The following CSMD1 variants were observed in gnomAD, a reference collection of about 807,000 sequenced individuals.
The protein encoded by CSMD1 is CUB and Sushi multiple domains 1.
In CSMD1, 213 loss-of-function variants were observed where a neutral mutation model predicts 417.5. The observed-to-expected ratio is 0.51, with a 90% CI of 0.46 to 0.57. The LOEUF (loss-of-function observed/expected upper bound fraction) is 0.57, where lower values mean the gene tolerates loss of function less well. Among genes scored for constraint, CSMD1 ranks in the 20% least tolerant of loss-of-function variants. CSMD1 has a pLI of 0.00. For missense variants in CSMD1, 6,923 were observed against 4,529.7 expected, an observed-to-expected ratio of 1.53 and a Z score of -15.17; for synonymous variants, 2,862 against 1,736.8, an observed-to-expected ratio of 1.65 and a Z score of -16.11.
chr8:3,994,687 C>T (rs17068458), intron 5 of CSMD1, among the ~76,000 whole-genome samples: 8 of 152,018 alleles, frequency 5.3e-5, no homozygotes, highest in Non-Finnish European at 8.8e-5. Flanking sequence ...ACGAACCCAA[C>T]GTATGTTTAA....
chr8:3,977,715 T>C (rs989575585), intron 5 of CSMD1, among the ~76,000 whole-genome samples: 2 of 152,204 alleles, frequency 1.3e-5, no homozygotes, highest in African/African-American at 4.8e-5. Context: ...CATAGATGCC[T>C]GGAAATGAAA....
intron 5 of CSMD1, among the ~76,000 whole-genome samples, chr8:3,779,738 A>G (rs1238312129): frequency 6.6e-6 from 1 of 152,214 alleles, no homozygotes; most frequent in Non-Finnish European, 1.5e-5. Flanking sequence ...ATAAAATTAT[A>G]TTTAAGTTAT....
At position 4,044,820 on chromosome 8, in the gene CSMD1, C is replaced by T. The variant is rs372835540; in HGVS notation, c.416-12721G>A. 7.0e-5 allele frequency among the ~76,000 whole-genome samples: 9 copies of T among 128,242 alleles called. No homozygotes were observed. The East Asian group carries it at 1.8e-3, about 26-fold the overall frequency. 84.1% of individuals were successfully genotyped at this position (128,242 alleles called of 152,430 possible). A position where few individuals can be genotyped will look rare whatever the true frequency, so the allele number is the denominator to read the frequency against. ...TACCACCCTGGATGTGAACCATCCT[C>T]GATGAGTAGCACCCCAGGCTTGTAC... is the stretch of plus-strand genomic sequence containing the variant. On this transcript the variant is annotated intron_variant, in intron 3 of 69. Transcript: ENST00000635120.
intron 5 of CSMD1, among the ~76,000 whole-genome samples, chr8:3,781,323 T>A (rs934181405): frequency 6.6e-6 from 1 of 152,116 alleles, no homozygotes; most frequent in East Asian, 1.9e-4. Flanking sequence ...TCTTTGTTCT[T>A]TTCATTCTTT....
chr8:2,974,391 C>A, intron 56 of CSMD1, 60 bp downstream of exon 56: 2 of 1,344,822 alleles, frequency 1.5e-6, no homozygotes, highest in South Asian at 1.7e-5. Flanking sequence ...TATTTGAAAT[C>A]ACTATTTGAA....
At chr8:4,098,560 G>A (rs544918385) in intron 3 of CSMD1, among the ~76,000 whole-genome samples, 40 of 152,046 alleles carry the variant, frequency 2.6e-4, no homozygotes, top group Non-Finnish European at 5.0e-4. Flanking sequence ...TTCAGTCAGT[G>A]GATTCGGCCT....
chr8:4,312,340 A>G (rs1303682990), intron 3 of CSMD1, among the ~76,000 whole-genome samples: 1 of 149,338 alleles, frequency 6.7e-6, no homozygotes, highest in African/African-American at 2.5e-5. Context: ...AAAGCAATTT[A>G]AACTCCAAAA....
In CSMD1 at chr8:4,503,238, A is replaced by G. The variant is rs575037551; in HGVS notation, c.303-83173T>C. ...AAAAGTCTACAGCGTCATAGTGTCT[A>G]TGATCATTGCACTTTGCCATGGCAG... On this transcript the variant is annotated intron_variant, in intron 2 of 69. Transcript: ENST00000635120. Among the ~76,000 whole-genome samples, 3 of 152,270 alleles carry G rather than the reference A, an allele frequency of 2.0e-5. No homozygotes were observed. The South Asian group carries it at 6.2e-4, about 32-fold the overall frequency.
chr8:3,425,706 G>A (rs1004658330), intron 12 of CSMD1, among the ~76,000 whole-genome samples: 3 of 152,020 alleles, frequency 2.0e-5, no homozygotes, highest in Non-Finnish European at 2.9e-5. Context: ...ATTCTGCCCT[G>A]AAGAAAAACA....
chr8:4,690,287 C>A (rs1395561835), intron 1 of CSMD1, among the ~76,000 whole-genome samples: 2 of 152,080 alleles, frequency 1.3e-5, no homozygotes, highest in African/African-American at 4.8e-5. Context: ...AAGAGGACGA[C>A]CTAACAGTTT....
At chr8:4,067,516 TTTAAC>T (rs1799314984) in intron 3 of CSMD1, among the ~76,000 whole-genome samples, 8 of 152,192 alleles carry the variant, frequency 5.3e-5, no homozygotes, top group Non-Finnish European at 1.0e-4. Flanking sequence ...TTTAAATGCA[TTTAAC>T]TTAATTTTGT....
chr8:3,264,475 T>C (rs1485288603), intron 26 of CSMD1, among the ~76,000 whole-genome samples: 3 of 152,162 alleles, frequency 2.0e-5, no homozygotes, highest in East Asian at 1.9e-4. Flanking sequence ...AGTGAGGTGA[T>C]CAGGAGGCCA....
intron 26 of CSMD1, among the ~76,000 whole-genome samples, chr8:3,267,150 G>A (rs1801493494): frequency 6.6e-6 from 1 of 152,168 alleles, no homozygotes; most frequent in South Asian, 2.1e-4. Flanking sequence ...GCAGCCAGCG[G>A]GAATGTCTGC....
intron 3 of CSMD1, among the ~76,000 whole-genome samples, chr8:4,274,303 C>T (rs1432147877): frequency 6.6e-6 from 1 of 152,092 alleles, no homozygotes; most frequent in Non-Finnish European, 1.5e-5. Flanking sequence ...GAAGTATCAC[C>T]CAACTGGCAT....
At chr8:3,538,354 C>G (rs1052174666) in intron 10 of CSMD1, among the ~76,000 whole-genome samples, 3 of 152,154 alleles carry the variant, frequency 2.0e-5, no homozygotes, top group African/African-American at 7.2e-5. Flanking sequence ...CATGCTTCAC[C>G]TGGGATGATG....
At chr8:4,706,662 T>C (rs774868327) in intron 1 of CSMD1, among the ~76,000 whole-genome samples, 11 of 152,214 alleles carry the variant, frequency 7.2e-5, no homozygotes, top group African/African-American at 9.6e-5. Context: ...AAACAATTTC[T>C]AGTCATCAAT....
intron 3 of CSMD1, among the ~76,000 whole-genome samples, chr8:4,167,299 GA>G (rs1428844026): frequency 2.6e-5 from 4 of 152,152 alleles, no homozygotes; most frequent in African/African-American, 9.7e-5. Flanking sequence ...GTCTATAACA[GA>G]AAGCATTCTT....
intron 9 of CSMD1, among the ~76,000 whole-genome samples, chr8:3,579,034 C>T (rs183252997): frequency 6.6e-5 from 10 of 152,142 alleles, no homozygotes; most frequent in African/African-American, 1.9e-4. Flanking sequence ...TAAAATTCAC[C>T]GACATGCTTG....
At position 4,492,854 on chromosome 8, in the gene CSMD1, A is replaced by G. The variant is rs1801776721; in HGVS notation, c.303-72789T>C. On this transcript the variant is annotated intron_variant, in intron 2 of 69. Transcript: ENST00000635120. ...CTGCTTCTCATGCATACTTTGTTAT[A>G]CAGAACATGCTTGAAAAATACATTT... Among the ~76,000 whole-genome samples, 3 of 152,324 alleles carry G rather than the reference A, an allele frequency of 2.0e-5. No homozygotes were observed. The South Asian group carries it at 6.2e-4, about 32-fold the overall frequency.
Sources: gnomAD v4.1 joint callset for allele counts (sites outside exome capture counted in the v4.1 genomes callset) on GRCh38, gnomAD v4.1.1 for gene constraint, MANE v1.5 for transcripts, NCBI Gene and HGNC (gene_info 2026-07-23, HGNC 2026-07-21) for gene names.